Variants in STARD13 observed in about 807,000 individuals in gnomAD.
STARD13 encodes stAR-related lipid transfer protein 13.
Under a neutral mutation model 106.4 loss-of-function variants are expected in STARD13, and 62 were observed. The ratio of observed to expected loss-of-function variants is 0.58; its 90% CI spans 0.48 to 0.72. The LOEUF (loss-of-function observed/expected upper bound fraction) is 0.72, where lower values mean the gene tolerates loss of function less well. STARD13 is among the 30% of genes least tolerant of loss of function. The pLI is 0.00. For missense variants in STARD13, 1,387 were observed against 1,424.0 expected, an observed-to-expected ratio of 0.97 and a Z score of 0.42; for synonymous variants, 565 against 553.0, an observed-to-expected ratio of 1.02 and a Z score of -0.31.
At chr13:33,133,515 T>C (rs1477327663) in intron 4 of STARD13, among the ~76,000 whole-genome samples, 4 of 152,224 alleles carry the variant, frequency 2.6e-5, no homozygotes, top group Non-Finnish European at 5.9e-5. Flanking sequence ...ACGATCATGG[T>C]ATGTTCCAAA....
chr13:33,163,272 C>G (rs928691962), intron 3 of STARD13, among the ~76,000 whole-genome samples: 2 of 151,814 alleles, frequency 1.3e-5, no homozygotes, highest in African/African-American at 2.4e-5. Flanking sequence ...GGTGGGGACA[C>G]AGAGCCAAAC....
chr13:33,233,547 T>C (rs1026286974), intron 1 of STARD13, among the ~76,000 whole-genome samples: 4 of 152,192 alleles, frequency 2.6e-5, no homozygotes, highest in Non-Finnish European at 5.9e-5. Flanking sequence ...TTCTCTGCCT[T>C]CACCATCCTT....
the STARD13 span, among the ~76,000 whole-genome samples, chr13:33,620,754 G>A: frequency 6.7e-6 from 1 of 150,102 alleles, no homozygotes; most frequent in Non-Finnish European, 1.5e-5. Context: ...AGAAATAACA[G>A]CTATATGTTA....
At chr13:33,105,827 C>G (rs1055860924) in intron 13 of STARD13, 117 bp from the exon 14 acceptor site, 5 of 818,630 alleles carry the variant, frequency 6.1e-6, no homozygotes, top group Non-Finnish European at 8.5e-6. Flanking sequence ...GCAGACAGCT[C>G]GGGCTGCTGC....
upstream of STARD13, among the ~76,000 whole-genome samples, chr13:33,354,620 C>G (rs1385103711): frequency 6.6e-6 from 1 of 152,200 alleles, no homozygotes; most frequent in Non-Finnish European, 1.5e-5. Context: ...GGATCATTTA[C>G]TGACTGAATG....
chr13:33,620,932 T>A, the STARD13 span, among the ~76,000 whole-genome samples: 1 of 151,790 alleles, frequency 6.6e-6, no homozygotes, highest in Non-Finnish European at 1.5e-5. Context: ...AAACATATTT[T>A]GAATTAAGTA....
chr13:33,402,614 C>T, the STARD13 span, among the ~76,000 whole-genome samples: 5 of 152,306 alleles, frequency 3.3e-5, no homozygotes, highest in African/African-American at 1.2e-4. Flanking sequence ...GCCATATCCC[C>T]CTATCCTGTA....
At chr13:33,449,230 T>C in the STARD13 span, among the ~76,000 whole-genome samples, 1 of 152,186 alleles carries the variant, frequency 6.6e-6, no homozygotes, top group Non-Finnish European at 1.5e-5. Context: ...AGTTTTGTAG[T>C]TTTGGGTCTT....
chr13:33,542,274 G>A, the STARD13 span, among the ~76,000 whole-genome samples: 1 of 152,068 alleles, frequency 6.6e-6, no homozygotes, highest in African/African-American at 2.4e-5. Context: ...GGGAAGGCTG[G>A]GTCCATCTTA....
At position 33,126,200 on chromosome 13, in the gene STARD13, A is replaced by G; in HGVS notation, c.1963T>C (p.Tyr655His). ...KFMKRMKVPD[Y>H]KDKAVFGVPL... ...ACGCCAAAGACAGCCTTGTCTTTGTAGTCGGGAACTTTCATCCTCTTCATG... is the reference window on the plus strand; with the variant it reads ...ACGCCAAAGACAGCCTTGTCTTTGTGGTCGGGAACTTTCATCCTCTTCATG... The change falls in exon 7 of 14, where the codon TAC becomes CAC. Residue 655 changes from tyrosine to histidine, a missense_variant. By Grantham distance (83) the Tyr-to-His change is moderately conservative. Transcript: ENST00000336934. 6.2e-7 allele frequency: 1 copy of G among 1,614,200 alleles called. No homozygotes were observed. The highest frequency in any genetic ancestry group is 1.3e-5 in the African/African-American group (1 of 75,046).
intron 1 of STARD13, among the ~76,000 whole-genome samples, chr13:33,333,474 T>C (rs1594274620): frequency 6.6e-6 from 1 of 152,304 alleles, no homozygotes; most frequent in East Asian, 1.9e-4. Flanking sequence ...CAGTATTAGG[T>C]TCCTTTAGCT....
chr13:33,208,935 A>G (rs1210885054), intron 1 of STARD13, among the ~76,000 whole-genome samples: 1 of 152,240 alleles, frequency 6.6e-6, no homozygotes, highest in Non-Finnish European at 1.5e-5. Flanking sequence ...CAAATAAATT[A>G]TGGTACAGCC....
At chr13:33,202,117 A>G (rs1364529556) in intron 1 of STARD13, among the ~76,000 whole-genome samples, 1 of 152,222 alleles carries the variant, frequency 6.6e-6, no homozygotes, top group Non-Finnish European at 1.5e-5. Flanking sequence ...AAAGATGGTC[A>G]GATTTTCTTT....
the STARD13 span, among the ~76,000 whole-genome samples, chr13:33,640,238 G>A: frequency 1.3e-5 from 2 of 152,132 alleles, no homozygotes; most frequent in South Asian, 2.1e-4. Flanking sequence ...CAAGCTGCCC[G>A]TATCTGCAAG....
chr13:33,426,805 C>T, the STARD13 span, among the ~76,000 whole-genome samples: 1 of 152,100 alleles, frequency 6.6e-6, no homozygotes, highest in South Asian at 2.1e-4. Context: ...ATTATTATGA[C>T]AAAATATTCT....
At chr13:33,371,043 A>T in the STARD13 span, among the ~76,000 whole-genome samples, 168 of 152,364 alleles carry the variant, frequency 1.1e-3, no homozygotes, top group African/African-American at 3.6e-3. Context: ...GGCATGAATT[A>T]TGCTCACAGA....
At chr13:33,531,445 G>A in the STARD13 span, among the ~76,000 whole-genome samples, 4 of 152,152 alleles carry the variant, frequency 2.6e-5, no homozygotes, top group South Asian at 8.3e-4. Context: ...TAGCTAGTGG[G>A]TGCCTTGTCA....
chr13:33,245,177 T>C (rs921985495), intron 1 of STARD13, among the ~76,000 whole-genome samples: 3 of 152,240 alleles, frequency 2.0e-5, no homozygotes, highest in Non-Finnish European at 4.4e-5. Flanking sequence ...AAACTCACCA[T>C]CCTTTACTAT....
chr13:33,247,619 G>A (rs1455843657), intron 1 of STARD13, among the ~76,000 whole-genome samples: 3 of 151,922 alleles, frequency 2.0e-5, no homozygotes, highest in Non-Finnish European at 2.9e-5. Context: ...ATAATATCAA[G>A]TACAATATCA....
Sources: allele counts gnomAD v4.1 joint callset (sites outside exome capture counted in the v4.1 genomes callset), GRCh38; gene constraint gnomAD v4.1.1; transcripts MANE v1.5; gene names NCBI Gene and HGNC (gene_info 2026-07-23, HGNC 2026-07-21).